The following PLEKHG1 variants were observed in gnomAD, a reference collection of about 807,000 sequenced individuals.
PLEKHG1 encodes the protein pleckstrin homology and RhoGEF domain containing G1.
PLEKHG1 carries 44 observed loss-of-function variants against 100.8 expected under a neutral mutation model. The ratio of observed to expected loss-of-function variants is 0.44; its 90% CI spans 0.34 to 0.56. The LOEUF (loss-of-function observed/expected upper bound fraction) is 0.56, where lower values mean the gene tolerates loss of function less well. PLEKHG1 is among the 20% of genes least tolerant of loss of function. The pLI is 0.01. For missense variants in PLEKHG1, 1,545 were observed against 1,720.9 expected (o/e 0.90, Z 1.81); for synonymous variants, 640 against 662.5 (o/e 0.97, Z 0.52).
At chr6:150,786,229 CCCTTACCTAAG>C (rs1785615412) in intron 3 of PLEKHG1, among the ~76,000 whole-genome samples, 150 bp from the exon 5 acceptor site, 1 of 152,172 alleles carries the variant, frequency 6.6e-6, no homozygotes, top group Non-Finnish European at 1.5e-5. Context: ...TTGGGCAAGT[CCCTTACCTAAG>C]CCTTGGATAC....
chr6:150,760,116 G>A lies in PLEKHG1; in HGVS notation c.412-8522G>A, dbSNP rs149927430. On this transcript the variant is annotated intron_variant, in intron 2 of 15. Coordinates refer to ENST00000358517, the Ensembl canonical transcript of PLEKHG1. ...TTTTTCCCCATATTAAAAACCCTTT[G>A]GGCTTTACTTAATTTTCCTTAATCA... Among the ~76,000 whole-genome samples, 350 of 152,126 alleles carry A rather than the reference G, an allele frequency of 2.3e-3. 1 individual carries two copies. The highest frequency in any genetic ancestry group is 0.02 in the Middle Eastern group (6 of 294).
chr6:150,721,640 T>G (rs1428833292), intron 1 of PLEKHG1, among the ~76,000 whole-genome samples: 1 of 152,188 alleles, frequency 6.6e-6, no homozygotes, highest in Non-Finnish European at 1.5e-5. Context: ...TGTTTGCAAA[T>G]GTATGCTTAG....
At chr6:150,622,795 T>C (rs1562389601) in intron 1 of PLEKHG1, among the ~76,000 whole-genome samples, 1 of 152,204 alleles carries the variant, frequency 6.6e-6, no homozygotes, top group Non-Finnish European at 1.5e-5. Context: ...TTTCTATAAG[T>C]TGAAATTTAA....
intron 11 of PLEKHG1, 39 bp downstream of exon 12, chr6:150,818,255 G>A: frequency 7.2e-7 from 1 of 1,393,276 alleles, no homozygotes; most frequent in Non-Finnish European, 1.0e-6. Flanking sequence ...AAATTTCATT[G>A]TCTGTTTGTA....
intron 1 of PLEKHG1, among the ~76,000 whole-genome samples, chr6:150,726,351 G>A (rs6933626): frequency 0.2 from 30,920 of 152,104 alleles, 4,612 homozygotes; most frequent in African/African-American, 0.41. Context: ...AGATTGTGGT[G>A]ATAGTTTCAC....
chr6:150,767,357 C>T (rs1289186846), intron 2 of PLEKHG1, among the ~76,000 whole-genome samples: 5 of 152,172 alleles, frequency 3.3e-5, no homozygotes, highest in East Asian at 3.9e-4. Flanking sequence ...AGTTTCTTAC[C>T]GAGGTGACTA....
intron 1 of PLEKHG1, among the ~76,000 whole-genome samples, chr6:150,627,844 C>T (rs1384105505): frequency 2.6e-5 from 4 of 152,164 alleles, no homozygotes; most frequent in African/African-American, 9.7e-5. Flanking sequence ...AGTTTATTGC[C>T]ATCTGTGATC....
chr6:150,690,668 G>C (rs1780319109), intron 3 of PLEKHG1, among the ~76,000 whole-genome samples: 3 of 152,162 alleles, frequency 2.0e-5, no homozygotes, highest in Non-Finnish European at 2.9e-5. Flanking sequence ...GGTGCAAAAT[G>C]AAACTCTGGA....
At chr6:150,670,724 G>C (rs1324975099) in intron 3 of PLEKHG1, among the ~76,000 whole-genome samples, 1 of 152,198 alleles carries the variant, frequency 6.6e-6, no homozygotes, top group East Asian at 1.9e-4. Context: ...CCATTTGGCT[G>C]AGGGAAATGA....
At chr6:150,747,880 G>C (rs1463068152) in intron 2 of PLEKHG1, among the ~76,000 whole-genome samples, 1 of 150,402 alleles carries the variant, frequency 6.6e-6, no homozygotes, top group Non-Finnish European at 1.5e-5. Flanking sequence ...TAGGCGACAA[G>C]AGCGAAACTC....
chr6:150,650,021 A>G (rs1245652204), intron 2 of PLEKHG1, among the ~76,000 whole-genome samples: 1 of 150,562 alleles, frequency 6.6e-6, no homozygotes, highest in African/African-American at 2.5e-5. Flanking sequence ...CAAAAAAATA[A>G]ATAAATAAAA....
intron 6 of PLEKHG1, 98 bp downstream of exon 7, chr6:150,800,967 T>G: frequency 4.2e-6 from 4 of 941,940 alleles, no homozygotes; most frequent in Non-Finnish European, 6.6e-6. Flanking sequence ...TATGGACATA[T>G]GGAAACATTT....
chr6:150,655,392 T>C (rs1433402468), intron 3 of PLEKHG1, among the ~76,000 whole-genome samples: 3 of 152,066 alleles, frequency 2.0e-5, no homozygotes, highest in Non-Finnish European at 4.4e-5. Context: ...CAAATGCCCA[T>C]CAGTGATAGA....
At chr6:150,647,528 T>TA (rs1361311722) in intron 2 of PLEKHG1, among the ~76,000 whole-genome samples, 5 of 152,192 alleles carry the variant, frequency 3.3e-5, no homozygotes, top group Non-Finnish European at 5.9e-5. Context: ...ATTTTAAACA[T>TA]CACCTTGCTT....
At chr6:150,671,547 C>T (rs1779582128) in intron 3 of PLEKHG1, among the ~76,000 whole-genome samples, 1 of 152,216 alleles carries the variant, frequency 6.6e-6, no homozygotes, top group African/African-American at 2.4e-5. Context: ...TATGGAAGGA[C>T]TCCATATGCC....
At chr6:150,761,099 C>CTTTTTTTTTTTTTT (rs35068801) in intron 2 of PLEKHG1, among the ~76,000 whole-genome samples, 15 of 95,948 alleles carry the variant, frequency 1.6e-4, no homozygotes, top group Non-Finnish European at 1.8e-4. Flanking sequence ...TTCTTTTTTT[C>CTTTTTTTTTTTTTT]TTTTTTTTTT....
intron 4 of PLEKHG1, among the ~76,000 whole-genome samples, chr6:150,787,281 C>T (rs781531211): frequency 1.1e-4 from 17 of 152,044 alleles, no homozygotes; most frequent in Non-Finnish European, 2.1e-4. Flanking sequence ...TCAGTGGTTT[C>T]GAAAAATACA....
chr6:150,840,914 GC>G (rs1201402682), exon 16 of PLEKHG1: 3 of 1,547,448 alleles, frequency 1.9e-6, no homozygotes, highest in Non-Finnish European at 2.7e-6. Context: ...CATAATAACT[GC>G]TTGAATCAAC....
chr6:150,792,357 CAAA>C (rs34263748), intron 4 of PLEKHG1, among the ~76,000 whole-genome samples: 1 of 87,080 alleles, frequency 1.1e-5, no homozygotes, highest in Non-Finnish European at 2.5e-5. Context: ...ACTCAGTCTC[CAAA>C]AAAAAAAAAA....
Sources: gnomAD v4.1 joint callset for allele counts (sites outside exome capture counted in the v4.1 genomes callset) on GRCh38, gnomAD v4.1.1 for gene constraint, MANE v1.5 for transcripts, NCBI Gene and HGNC (gene_info 2026-07-23, HGNC 2026-07-21) for gene names.